The following PTPRT variants were observed in gnomAD, a reference collection of about 807,000 sequenced individuals.
The protein encoded by PTPRT is protein tyrosine phosphatase receptor type T, also known as receptor-type tyrosine-protein phosphatase T.
Under a neutral mutation model 176.8 loss-of-function variants are expected in PTPRT, and 56 were observed. That is an observed-to-expected ratio of 0.32 (90% confidence interval 0.26 to 0.40). The LOEUF (loss-of-function observed/expected upper bound fraction) is 0.40, where lower values mean the gene tolerates loss of function less well. Ranked by LOEUF, PTPRT falls within the 10% of genes least tolerant of loss-of-function variation. The pLI is 1.00. For missense variants in PTPRT, 1,540 were observed against 1,908.2 expected (o/e 0.81, Z 3.60); for synonymous variants, 783 against 739.0 (o/e 1.06, Z -0.96).
chr20:42,914,330 T>C (rs1403059278), intron 1 of PTPRT, among the ~76,000 whole-genome samples: 1 of 152,192 alleles, frequency 6.6e-6, no homozygotes, highest in Admixed American at 6.6e-5. Flanking sequence ...GGTGGGGTGA[T>C]TAGTTGCCTG....
the PTPRT span, among the ~76,000 whole-genome samples, chr20:42,060,726 T>C: frequency 6.6e-6 from 1 of 152,228 alleles, no homozygotes; most frequent in African/African-American, 2.4e-5. Context: ...GAACTTTCTT[T>C]TGTAAGTTGC....
intron 1 of PTPRT, among the ~76,000 whole-genome samples, chr20:42,924,600 G>A (rs546767551): frequency 6.6e-6 from 1 of 152,310 alleles, no homozygotes; most frequent in South Asian, 2.1e-4. Flanking sequence ...ACATCCTCAA[G>A]GTGAAGAAAG....
At chr20:42,291,182 T>G (rs2057310996) in intron 12 of PTPRT, among the ~76,000 whole-genome samples, 1 of 152,160 alleles carries the variant, frequency 6.6e-6, no homozygotes, top group Non-Finnish European at 1.5e-5. Flanking sequence ...GCTGAGATCC[T>G]GAAAGTCTAC....
At chr20:42,504,561 T>A (rs1044693307) in intron 7 of PTPRT, among the ~76,000 whole-genome samples, 1 of 152,182 alleles carries the variant, frequency 6.6e-6, no homozygotes, top group Non-Finnish European at 1.5e-5. Flanking sequence ...TAATGTTTCA[T>A]CAACTTTTTT....
chr20:42,117,080 G>A (rs139663391), intron 21 of PTPRT, among the ~76,000 whole-genome samples: 2 of 152,232 alleles, frequency 1.3e-5, no homozygotes, highest in East Asian at 3.9e-4. Flanking sequence ...TGACGTCAGG[G>A]TAGGTACTCT....
chr20:42,706,560 T>C (rs1010911513), intron 6 of PTPRT, among the ~76,000 whole-genome samples: 3 of 152,282 alleles, frequency 2.0e-5, no homozygotes, highest in South Asian at 2.1e-4. Flanking sequence ...TATGGGCACA[T>C]AGGCATCTCA....
At chr20:43,023,672 C>T (rs565491738) in intron 1 of PTPRT, among the ~76,000 whole-genome samples, 8 of 152,182 alleles carry the variant, frequency 5.3e-5, no homozygotes, top group Non-Finnish European at 1.0e-4. Flanking sequence ...GGCCTAGAAG[C>T]CACGGCTGCT....
chr20:42,052,034 A>G, the PTPRT span, among the ~76,000 whole-genome samples: 1 of 152,158 alleles, frequency 6.6e-6, no homozygotes, highest in East Asian at 1.9e-4. Context: ...AATCATTTCT[A>G]AGTAACGCAA....
At chr20:42,305,678 C>T (rs1314461690) in intron 12 of PTPRT, among the ~76,000 whole-genome samples, 1 of 151,976 alleles carries the variant, frequency 6.6e-6, no homozygotes, top group Non-Finnish European at 1.5e-5. Context: ...AGGTCCTTTG[C>T]AAAGAGTTAT....
At chr20:42,174,763 G>T (rs1384709511) in intron 16 of PTPRT, among the ~76,000 whole-genome samples, 1 of 152,182 alleles carries the variant, frequency 6.6e-6, no homozygotes, top group African/African-American at 2.4e-5. Context: ...ATAGGGCTGA[G>T]TGAGAACCCT....
chr20:42,607,219 G>A (rs374103497), intron 7 of PTPRT, among the ~76,000 whole-genome samples: 1 of 152,152 alleles, frequency 6.6e-6, no homozygotes, highest in Non-Finnish European at 1.5e-5. Context: ...GTATTTAATG[G>A]ACACAGAGTC....
At chr20:42,909,873 C>T (rs1378963678) in intron 1 of PTPRT, among the ~76,000 whole-genome samples, 6 of 152,174 alleles carry the variant, frequency 3.9e-5, no homozygotes, top group Non-Finnish European at 8.8e-5. Flanking sequence ...CTGCTATTGT[C>T]GACAGCTCTA....
At chr20:42,364,904 A>C (rs1009919643) in intron 9 of PTPRT, among the ~76,000 whole-genome samples, 7 of 152,214 alleles carry the variant, frequency 4.6e-5, no homozygotes, top group Admixed American at 1.3e-4. Context: ...CAGCGATGGG[A>C]TAACAAAGGA....
intron 1 of PTPRT, among the ~76,000 whole-genome samples, chr20:43,008,888 G>A (rs1259258564): frequency 1.3e-5 from 2 of 152,086 alleles, no homozygotes; most frequent in Non-Finnish European, 2.9e-5. Flanking sequence ...CCTGTGTTCT[G>A]TGATAGTCAG....
intron 15 of PTPRT, among the ~76,000 whole-genome samples, chr20:42,218,045 T>C (rs536715962): frequency 1.8e-4 from 28 of 152,372 alleles, no homozygotes; most frequent in Non-Finnish European, 3.7e-4. Flanking sequence ...GCTGAGAGCA[T>C]GCTCTCCTCC....
intron 7 of PTPRT, among the ~76,000 whole-genome samples, chr20:42,562,647 A>G (rs894738687): frequency 3.9e-5 from 6 of 152,186 alleles, no homozygotes; most frequent in Non-Finnish European, 8.8e-5. Context: ...TTTAAGCACC[A>G]AAATTCATTC....
chr20:42,133,437 G>A (rs999780280), intron 18 of PTPRT, among the ~76,000 whole-genome samples: 10 of 152,178 alleles, frequency 6.6e-5, no homozygotes, highest in African/African-American at 2.2e-4. Context: ...AAGCCAATCT[G>A]AAAAGGCTAC....
At chr20:42,847,331 C>A (rs542290288) in intron 2 of PTPRT, among the ~76,000 whole-genome samples, 1 of 152,192 alleles carries the variant, frequency 6.6e-6, no homozygotes. Context: ...AGCAACCACA[C>A]AGGGAAGGCC....
intron 3 of PTPRT, among the ~76,000 whole-genome samples, chr20:42,786,237 A>G (rs2077288881): frequency 6.6e-6 from 1 of 152,188 alleles, no homozygotes; most frequent in South Asian, 2.1e-4. Context: ...TCTTTATAGC[A>G]GTATGAGAAC....
Sources: allele counts gnomAD v4.1 joint callset (sites outside exome capture counted in the v4.1 genomes callset), GRCh38; gene constraint gnomAD v4.1.1; transcripts MANE v1.5; gene names NCBI Gene and HGNC (gene_info 2026-07-23, HGNC 2026-07-21).